Variants in VWA3B observed in about 807,000 individuals in gnomAD.
VWA3B encodes von Willebrand factor A domain-containing protein 3B.
In VWA3B, 138 loss-of-function variants were observed where a neutral mutation model predicts 158.3. The ratio of observed to expected loss-of-function variants is 0.87; its 90% confidence interval spans 0.76 to 1.00. The LOEUF (loss-of-function observed/expected upper bound fraction) is 1.00. Ranked by LOEUF, VWA3B falls within the 50% of genes least tolerant of loss-of-function variation. The pLI is 0.00. For synonymous variants in VWA3B, 596 were observed against 587.3 expected, an observed-to-expected ratio of 1.01 and a Z score of -0.21; for missense variants, 1,555 against 1,565.1, an observed-to-expected ratio of 0.99 and a Z score of 0.11.
intron 19 of VWA3B, among the ~76,000 whole-genome samples, chr2:98,246,434 G>T (rs1686398145): frequency 6.6e-6 from 1 of 152,054 alleles, no homozygotes; most frequent in Non-Finnish European, 1.5e-5. Context: ...CTGGAGTGCA[G>T]TGGTGCAATC....
intron 17 of VWA3B, among the ~76,000 whole-genome samples, 178 bp downstream of exon 17, chr2:98,234,945 G>A (rs1000983421): frequency 2.6e-5 from 4 of 152,178 alleles, no homozygotes; most frequent in African/African-American, 9.6e-5. Context: ...TGGATTTTCT[G>A]AGAGCTGGCC....
intron 6 of VWA3B, among the ~76,000 whole-genome samples, chr2:98,129,224 A>AGTGTGT (rs1228441504): frequency 6.3e-4 from 79 of 124,654 alleles, no homozygotes; most frequent in South Asian, 2.7e-3. Context: ...AGAGAGAGAG[A>AGTGTGT]GTGTGTGTGT....
chr2:98,167,711 A>C (rs1218673225), intron 8 of VWA3B, among the ~76,000 whole-genome samples: 1 of 152,226 alleles, frequency 6.6e-6, no homozygotes, highest in African/African-American at 2.4e-5. Flanking sequence ...TGATCCGCTC[A>C]TGCCTGTGAG....
intron 15 of VWA3B, among the ~76,000 whole-genome samples, chr2:98,229,333 C>G (rs1199216150): frequency 6.6e-6 from 1 of 152,212 alleles, no homozygotes; most frequent in Non-Finnish European, 1.5e-5. Context: ...AGTGCGGGCA[C>G]AGACCCACAG....
At chr2:98,258,156 AT>A (rs1687272711) in intron 21 of VWA3B, among the ~76,000 whole-genome samples, 4 of 151,920 alleles carry the variant, frequency 2.6e-5, no homozygotes. Context: ...GTCAAAAATC[AT>A]CTGACCATAA....
chr2:98,305,782 C>T (rs1690485998), intron 26 of VWA3B, among the ~76,000 whole-genome samples: 1 of 152,100 alleles, frequency 6.6e-6, no homozygotes, highest in African/African-American at 2.4e-5. Flanking sequence ...CAGGAGTTCT[C>T]ATGTCCTCCA....
intron 13 of VWA3B, chr2:98,217,010 C>A (rs1186762690): frequency 1.6e-6 from 2 of 1,220,414 alleles, no homozygotes; most frequent in Admixed American, 2.3e-5. Context: ...CTCAGGTGGT[C>A]CCTTCATGCT....
At chr2:98,119,030 A>G (rs779030896) in intron 3 of VWA3B, among the ~76,000 whole-genome samples, 2 of 152,244 alleles carry the variant, frequency 1.3e-5, no homozygotes, top group Non-Finnish European at 2.9e-5. Flanking sequence ...GCATGAGGAC[A>G]AAAGTCATGA....
In VWA3B at chr2:98,217,869, G is replaced by C. The variant is rs1030790034; in HGVS notation, c.1860G>C (p.Gln620His). Residue 620 changes from glutamine (Q) to histidine (H), a missense_variant, in exon 14 of 28, where the codon CAG becomes CAC. Physicochemically the swap from Gln to His is conservative, Grantham distance 24. Coordinates refer to ENST00000477737, the MANE Select transcript of VWA3B (RefSeq NM_144992.5). ...AGCCACCTGAAACAGTTATAGACCA[G>C]GTCAAACGTTTTCAGGAAATTCCTA... Reference protein sequence around the residue: ...PDQPPETVIDQVKRFQEIPIY... With the variant: ...PDQPPETVIDHVKRFQEIPIY... 2 of 1,608,560 alleles carry C rather than the reference G, an allele frequency of 1.2e-6. No homozygotes were observed. The highest frequency in any genetic ancestry group is 1.7e-6 in the Non-Finnish European group (2 of 1,178,148).
At chr2:98,307,293 C>T (rs780442869) in intron 26 of VWA3B, among the ~76,000 whole-genome samples, 1 of 152,228 alleles carries the variant, frequency 6.6e-6, no homozygotes, top group Non-Finnish European at 1.5e-5. Flanking sequence ...TATAACCTGA[C>T]GTGTCCACCC....
At chr2:98,306,824 G>C (rs1428441678) in intron 26 of VWA3B, among the ~76,000 whole-genome samples, 1 of 152,190 alleles carries the variant, frequency 6.6e-6, no homozygotes. Context: ...CATGGTGGAA[G>C]TCTTCATTGA....
At chr2:98,192,825 G>C in intron 10 of VWA3B, 73 bp from the exon 11 acceptor site, 1 of 1,602,594 alleles carries the variant, frequency 6.2e-7, no homozygotes, top group South Asian at 1.1e-5. Context: ...CAGATGCATC[G>C]TTAAGTTCTT....
chr2:98,325,490 G>T, the VWA3B span, among the ~76,000 whole-genome samples: 1 of 152,260 alleles, frequency 6.6e-6, no homozygotes, highest in African/African-American at 2.4e-5. Flanking sequence ...TAAGCCAAAA[G>T]AATATATCAT....
chr2:98,308,427 T>C (rs567701007), intron 26 of VWA3B, among the ~76,000 whole-genome samples: 1 of 152,370 alleles, frequency 6.6e-6, no homozygotes, highest in Non-Finnish European at 1.5e-5. Context: ...ATAGTCCGTA[T>C]CCTGTCTATA....
chr2:98,190,694 G>C (rs1448976364), intron 10 of VWA3B, among the ~76,000 whole-genome samples: 1 of 151,934 alleles, frequency 6.6e-6, no homozygotes, highest in African/African-American at 2.4e-5. Context: ...TTGTCTCCTG[G>C]TTTGCATGAT....
chr2:98,320,567 A>T, the VWA3B span, among the ~76,000 whole-genome samples: 1 of 152,238 alleles, frequency 6.6e-6, no homozygotes, highest in African/African-American at 2.4e-5. Flanking sequence ...GATATGGACA[A>T]TAAAGTCCAG....
intron 7 of VWA3B, 39 bp downstream of exon 7, chr2:98,133,978 C>G: frequency 1.3e-6 from 2 of 1,549,488 alleles, no homozygotes; most frequent in Non-Finnish European, 1.8e-6. Context: ...GCTTATGTCC[C>G]GAATAGCCTC....
At chr2:98,260,559 A>T (rs931603196) in intron 21 of VWA3B, among the ~76,000 whole-genome samples, 1 of 151,818 alleles carries the variant, frequency 6.6e-6, no homozygotes, top group African/African-American at 2.4e-5. Flanking sequence ...ATATGCAAAT[A>T]TGACACTATT....
At chr2:98,101,905 T>C (rs1683100480) in intron 2 of VWA3B, among the ~76,000 whole-genome samples, 1 of 152,086 alleles carries the variant, frequency 6.6e-6, no homozygotes, top group African/African-American at 2.4e-5. Context: ...TGATCATTCT[T>C]GGGTGTTTCT....
Sources: gnomAD v4.1 joint callset for allele counts (sites outside exome capture counted in the v4.1 genomes callset) on GRCh38, gnomAD v4.1.1 for gene constraint, MANE v1.5 for transcripts, NCBI Gene and HGNC (gene_info 2026-07-23, HGNC 2026-07-21) for gene names.